The following FILIP1L variants were observed in gnomAD, a reference collection of about 807,000 sequenced individuals.
FILIP1L encodes filamin A-interacting protein 1-like.
FILIP1L carries 55 observed loss-of-function variants against 96.6 expected under a neutral mutation model. The observed-to-expected ratio is 0.57, with a 90% CI of 0.46 to 0.71. FILIP1L has a LOEUF of 0.71. Among genes scored for constraint, FILIP1L ranks in the 30% least tolerant of loss-of-function variants. The pLI is 0.00. For synonymous variants in FILIP1L, 467 were observed against 473.9 expected (o/e 0.99, Z 0.19); for missense variants, 1,304 against 1,321.2 (o/e 0.99, Z 0.20).
chr3:100,042,920 C>T (rs547995210), intron 1 of FILIP1L, among the ~76,000 whole-genome samples: 72 of 152,326 alleles, frequency 4.7e-4, no homozygotes, highest in Non-Finnish European at 9.0e-4. Flanking sequence ...TGTAACAAGT[C>T]CACATTCATC....
chr3:99,901,242 CT>C (rs1706427048), intron 4 of FILIP1L, among the ~76,000 whole-genome samples: 1 of 152,140 alleles, frequency 6.6e-6, no homozygotes, highest in African/African-American at 2.4e-5. Flanking sequence ...AGGATAGTAC[CT>C]TCCTTTAGAG....
At chr3:100,072,578 A>G (rs2065780910) in intron 1 of FILIP1L, among the ~76,000 whole-genome samples, 1 of 152,166 alleles carries the variant, frequency 6.6e-6, no homozygotes, top group South Asian at 2.1e-4. Context: ...CAGCATTTTA[A>G]CTGTCAACCG....
chr3:100,043,936 A>G (rs553117365), intron 1 of FILIP1L, among the ~76,000 whole-genome samples: 1 of 152,336 alleles, frequency 6.6e-6, no homozygotes, highest in African/African-American at 2.4e-5. Context: ...GAGATCATAC[A>G]TACTTGTCTT....
chr3:100,088,314 G>C (rs2066047677), intron 1 of FILIP1L, among the ~76,000 whole-genome samples: 1 of 152,024 alleles, frequency 6.6e-6, no homozygotes, highest in Non-Finnish European at 1.5e-5. Flanking sequence ...AGTTAATATA[G>C]GTTTTCAGTG....
chr3:99,903,440 C>T (rs1193881638), intron 4 of FILIP1L, among the ~76,000 whole-genome samples: 2 of 151,754 alleles, frequency 1.3e-5, no homozygotes, highest in African/African-American at 4.8e-5. Flanking sequence ...TTAGTAGAGA[C>T]GGGGTTTCAC....
chr3:99,937,415 G>A (rs1405854766), intron 1 of FILIP1L, among the ~76,000 whole-genome samples: 1 of 152,106 alleles, frequency 6.6e-6, no homozygotes, highest in Non-Finnish European at 1.5e-5. Flanking sequence ...AAATTTTCAT[G>A]TGCTTTTCTC....
rs114825797 is a variant in FILIP1L, at chr3:99,930,737, A to T, written c.252+32T>A. On this transcript the variant is annotated intron_variant, in intron 2 of 5. Transcript: ENST00000477258. ...AATTCACAAGCAGCCTTCTGTTTGA[A>T]GCATGATGGGGATAACTCCAACCCA... The T allele has an allele frequency of 1.7e-3, 2,752 of 1,606,516 alleles. 13 individuals are homozygous for T. In the African/African-American group the frequency reaches 0.018, roughly 11 times the overall value.
chr3:99,971,354 A>G (rs931688029), intron 1 of FILIP1L, among the ~76,000 whole-genome samples: 2 of 151,820 alleles, frequency 1.3e-5, no homozygotes, highest in Admixed American at 1.3e-4. Flanking sequence ...AAAAAAGAGA[A>G]TATGGGATGC....
At chr3:99,993,456 G>GAA (rs2107140439) in intron 1 of FILIP1L, among the ~76,000 whole-genome samples, 2 of 152,094 alleles carry the variant, frequency 1.3e-5, no homozygotes, top group South Asian at 4.1e-4. Context: ...TTTCCAATTT[G>GAA]AATGCCTCTT....
At chr3:100,058,817 C>G (rs1254773579) in intron 1 of FILIP1L, among the ~76,000 whole-genome samples, 8 of 152,202 alleles carry the variant, frequency 5.3e-5, no homozygotes, top group African/African-American at 1.7e-4. Flanking sequence ...TCTGGAGCCA[C>G]AGTTTCATAT....
chr3:99,974,682 G>A (rs368857866), intron 1 of FILIP1L, among the ~76,000 whole-genome samples: 1 of 152,126 alleles, frequency 6.6e-6, no homozygotes, highest in African/African-American at 2.4e-5. Context: ...ACTCCAGCCT[G>A]AGTAACAAGA....
intron 1 of FILIP1L, among the ~76,000 whole-genome samples, chr3:100,094,402 G>GTTAC (rs2066165453): frequency 6.6e-6 from 1 of 151,980 alleles, no homozygotes; most frequent in Non-Finnish European, 1.5e-5. Flanking sequence ...CCCTTAACAG[G>GTTAC]ATCTTTCATG....
At chr3:99,885,659 A>G (rs1257009244) in intron 4 of FILIP1L, among the ~76,000 whole-genome samples, 2 of 152,190 alleles carry the variant, frequency 1.3e-5, no homozygotes, top group Admixed American at 1.3e-4. Flanking sequence ...GTTAAAAACA[A>G]TATTTGTCTA....
At chr3:100,018,066 C>T (rs528886882) in intron 1 of FILIP1L, among the ~76,000 whole-genome samples, 15 of 152,142 alleles carry the variant, frequency 9.9e-5, no homozygotes, top group African/African-American at 1.9e-4. Flanking sequence ...CAGGGGCTCA[C>T]GCCTGTAATC....
chr3:100,005,959 T>A (rs776605441), intron 1 of FILIP1L, among the ~76,000 whole-genome samples: 19 of 152,172 alleles, frequency 1.2e-4, no homozygotes, highest in Non-Finnish European at 1.9e-4. Flanking sequence ...CTATTGCTTT[T>A]TCAATCCACA....
intron 1 of FILIP1L, among the ~76,000 whole-genome samples, chr3:99,947,837 A>G (rs557748870): frequency 6.6e-6 from 1 of 152,332 alleles, no homozygotes; most frequent in South Asian, 2.1e-4. Context: ...AAGAATTTAG[A>G]ATATTTGTCC....
chr3:99,842,622 A>C (rs1042438362), intron 5 of FILIP1L, among the ~76,000 whole-genome samples: 1 of 152,174 alleles, frequency 6.6e-6, no homozygotes, highest in African/African-American at 2.4e-5. Context: ...GTTTTTCAAA[A>C]TATTGCCTCA....
intron 1 of FILIP1L, among the ~76,000 whole-genome samples, chr3:100,028,196 A>C (rs2064961816): frequency 6.6e-6 from 1 of 152,184 alleles, no homozygotes; most frequent in Admixed American, 6.6e-5. Flanking sequence ...CATTGAGTTA[A>C]ATGATATCAT....
intron 1 of FILIP1L, among the ~76,000 whole-genome samples, chr3:99,938,446 C>T (rs535716057): frequency 2.0e-5 from 3 of 152,286 alleles, no homozygotes; most frequent in East Asian, 1.9e-4. Flanking sequence ...GCTAACTGTA[C>T]GACACTCATG....
Sources: gnomAD v4.1 joint callset for allele counts (sites outside exome capture counted in the v4.1 genomes callset) on GRCh38, gnomAD v4.1.1 for gene constraint, MANE v1.5 for transcripts, NCBI Gene and HGNC (gene_info 2026-07-23, HGNC 2026-07-21) for gene names.